Variants in DHRS4L2 observed in about 807,000 individuals in gnomAD.
DHRS4L2 encodes the protein dehydrogenase/reductase SDR family member 4-like 2.
In DHRS4L2, 22 loss-of-function variants were observed where a neutral mutation model predicts 23.9. That is an observed-to-expected ratio of 0.92 (90% CI 0.66 to 1.31). The LOEUF (loss-of-function observed/expected upper bound fraction) is 1.31, where lower values mean the gene tolerates loss of function less well. Ranked by LOEUF, DHRS4L2 falls within the 40% of genes most tolerant of loss-of-function variation. The pLI is 0.00. For synonymous variants in DHRS4L2, 141 were observed against 123.7 expected, an observed-to-expected ratio of 1.14 and a Z score of -0.93; for missense variants, 385 against 303.3, an observed-to-expected ratio of 1.27 and a Z score of -2.00.
intron 2 of DHRS4L2, among the ~76,000 whole-genome samples, chr14:23,992,207 C>T (rs1027656755): frequency 3.3e-5 from 5 of 151,444 alleles, no homozygotes; most frequent in African/African-American, 7.3e-5. Context: ...GAGGAGACAC[C>T]GAATCCAGGG....
intron 1 of DHRS4L2, among the ~76,000 whole-genome samples, chr14:23,970,672 G>A (rs2033836684): frequency 6.6e-6 from 1 of 152,090 alleles, no homozygotes. Context: ...CTCCCCGAGT[G>A]GGTCCCTGAC....
intron 2 of DHRS4L2, among the ~76,000 whole-genome samples, chr14:23,991,715 T>C (rs529770606): frequency 7.4e-5 from 11 of 149,384 alleles, no homozygotes; most frequent in Admixed American, 5.3e-4. Context: ...ATTGGAAAGA[T>C]AGAGGCCATG....
Position 24,000,909 on chromosome 14 carries a change from T to G in DHRS4L2, c.455T>G (p.Val152Gly). 6.2e-7 allele frequency: 1 copy of G among 1,611,118 alleles called. No homozygotes were observed. Among genetic ancestry groups the G allele is most frequent in the Non-Finnish European group, 8.5e-7 (1 of 1,179,272 alleles). ...GCCCCAGCCCTGATGACAAAGGCAG[T>G]GGTGCCAGAAATGGAGAAACGAGGG... ...VKAPALMTKA[V>G]VPEMEKRGGG... Residue 152 changes from valine to glycine, a missense_variant, in exon 4 of 8, where the codon GTG becomes GGG. Coordinates refer to ENST00000335125, the MANE Select transcript of DHRS4L2 (RefSeq NM_198083.4).
At chr14:23,974,862 C>G (rs2033936567) in intron 1 of DHRS4L2, among the ~76,000 whole-genome samples, 1 of 151,706 alleles carries the variant, frequency 6.6e-6, no homozygotes, top group Admixed American at 6.6e-5. Context: ...CTATACCGAT[C>G]AATAGAAAAA....
rs372253775 is a variant in DHRS4L2 at position 24,001,083 on chromosome 14, C to T, written c.530C>T (p.Pro177Leu). Residue 177 changes from proline (P) to leucine (L), a missense_variant and splice_region_variant, in exon 5 of 8, where the codon CCT becomes CTT. Transcript: ENST00000335125. Reference protein sequence around the residue: ...VSSIAAFSPSPGFSPYNVSKT... With the variant: ...VSSIAAFSPSLGFSPYNVSKT... ...TCCATAGCAGCCTTCAGTCCATCTC[C>T]TGTAAGAACCCTTTTGTCTACCTCT... is the stretch of plus-strand genomic sequence containing the variant. 232 of 1,610,816 alleles carry T rather than the reference C, an allele frequency of 1.4e-4. 4 individuals are homozygous for T. Among genetic ancestry groups the T allele is most frequent in the Non-Finnish European group, 1.2e-4 (147 of 1,179,358 alleles).
upstream of DHRS4L2, among the ~76,000 whole-genome samples, chr14:23,984,006 A>G (rs566298089): frequency 6.7e-4 from 101 of 151,706 alleles, 3 homozygotes; most frequent in Non-Finnish European, 1.1e-3. Context: ...AGTTCTGCAC[A>G]TGTATCTCAG....
chr14:23,988,843 G>T (rs1433392699), upstream of DHRS4L2: 3 of 1,457,532 alleles, frequency 2.1e-6, no homozygotes, highest in East Asian at 2.5e-5. Context: ...GGCCGAGGGC[G>T]GGAAGGGGGC....
In DHRS4L2 at chr14:23,988,939, G is replaced by C. The variant is rs373740586; in HGVS notation, c.-9G>C. On this transcript the variant is annotated 5_prime_UTR_variant, in exon 1 of 8. Transcript: ENST00000335125. ...GAAGGAGTGGAACCCAGACTTGCTGGTCTGATCCATGCAGATGGCCAGGCT... is the reference window on the plus strand; with the variant it reads ...GAAGGAGTGGAACCCAGACTTGCTGCTCTGATCCATGCAGATGGCCAGGCT... 3 of 1,611,764 alleles carry C rather than the reference G, an allele frequency of 1.9e-6. No homozygotes were observed. Among genetic ancestry groups the C allele is most frequent in the Non-Finnish European group, 2.5e-6 (3 of 1,179,010 alleles).
At chr14:23,976,259 A>C (rs1444163538) in intron 1 of DHRS4L2, among the ~76,000 whole-genome samples, 2 of 151,856 alleles carry the variant, frequency 1.3e-5, no homozygotes, top group Non-Finnish European at 2.9e-5. Flanking sequence ...ATAAATTTAC[A>C]AGAAAAAAAA....
At chr14:23,969,984 G>T (rs1388371613) in exon 1 of DHRS4L2, 2 of 454,972 alleles carry the variant, frequency 4.4e-6, no homozygotes, top group South Asian at 1.5e-5. Flanking sequence ...TCGCCTCTGC[G>T]GCAGCCCTCA....
At chr14:23,974,205 A>G (rs1481048007) in intron 1 of DHRS4L2, among the ~76,000 whole-genome samples, 2 of 151,870 alleles carry the variant, frequency 1.3e-5, no homozygotes, top group Admixed American at 1.3e-4. Context: ...ACCAATGAGA[A>G]CAAAGACACA....
intron 5 of DHRS4L2, 116 bp downstream of exon 5, chr14:24,001,200 C>T: frequency 1.3e-6 from 2 of 1,589,016 alleles, no homozygotes; most frequent in Non-Finnish European, 8.6e-7. Flanking sequence ...CAAGTCCCTG[C>T]CCACAAAATA....
At chr14:23,987,434 C>T (rs1158402349), upstream of DHRS4L2, among the ~76,000 whole-genome samples, 1 of 151,560 alleles carries the variant, frequency 6.6e-6, no homozygotes, top group African/African-American at 2.4e-5. Context: ...AGCTGAATGT[C>T]CAAATCCTTT....
At chr14:23,970,876 G>C (rs1051125269) in intron 1 of DHRS4L2, among the ~76,000 whole-genome samples, 2 of 152,038 alleles carry the variant, frequency 1.3e-5, no homozygotes, top group Non-Finnish European at 2.9e-5. Context: ...AAGACCTGCA[G>C]CTGAGGGGCC....
chr14:24,001,278 C>G (rs570051387), intron 5 of DHRS4L2, 106 bp from the exon 6 acceptor site: 6 of 1,565,210 alleles, frequency 3.8e-6, no homozygotes, highest in Non-Finnish European at 5.2e-6. Context: ...TAACTCTGCC[C>G]CTCCCTTACA....
intron 1 of DHRS4L2, among the ~76,000 whole-genome samples, chr14:23,974,152 G>A (rs1400815847): frequency 2.6e-5 from 4 of 151,586 alleles, no homozygotes; most frequent in African/African-American, 9.7e-5. Flanking sequence ...ATGACTACTA[G>A]GTAAATAACA....
At chr14:23,986,456 A>G (rs933300379), upstream of DHRS4L2, among the ~76,000 whole-genome samples, 1 of 151,032 alleles carries the variant, frequency 6.6e-6, no homozygotes, top group African/African-American at 2.4e-5. Context: ...ATGTGTACAT[A>G]TGTAAAAAAC....
Position 24,001,421 on chromosome 14 carries a change from T to C in DHRS4L2, c.569T>C (p.Leu190Pro), listed in dbSNP as rs767481626. The change falls in exon 6 of 8, where the codon CTG becomes CCG. Residue 190 changes from leucine to proline, a missense_variant. Coordinates refer to ENST00000335125, the MANE Select transcript of DHRS4L2 (RefSeq NM_198083.4). ...TACAATGTCAGTAAAACAGCCTTGC[T>C]GGGCCTCAACAATACCCTGGCCATA... Reference protein sequence around the residue: ...SPYNVSKTALLGLNNTLAIEL... With the variant: ...SPYNVSKTALPGLNNTLAIEL... 1 of 1,608,094 alleles carries C rather than the reference T, an allele frequency of 6.2e-7. No individual in the cohort carries two copies. Among genetic ancestry groups the C allele is most frequent in the Non-Finnish European group, 8.5e-7 (1 of 1,179,414 alleles).
upstream of DHRS4L2, chr14:23,988,812 C>T: frequency 3.6e-6 from 5 of 1,404,952 alleles, no homozygotes; most frequent in Non-Finnish European, 4.6e-6. Flanking sequence ...AGGCGCCAAC[C>T]GCCACAGACG....
Sources: allele counts gnomAD v4.1 joint callset (sites outside exome capture counted in the v4.1 genomes callset), GRCh38; gene constraint gnomAD v4.1.1; transcripts MANE v1.5; gene names NCBI Gene and HGNC (gene_info 2026-07-23, HGNC 2026-07-21).